Variants in PRDM7 observed in about 807,000 individuals in gnomAD.
PRDM7 encodes PR/SET domain 7, also known as histone-lysine N-methyltransferase PRDM7.
In PRDM7, 52 loss-of-function variants were observed where a neutral mutation model predicts 64.3. That is an observed-to-expected ratio of 0.81 (90% confidence interval 0.65 to 1.02). PRDM7 has a LOEUF of 1.02. Among genes scored for constraint, PRDM7 ranks in the 50% least tolerant of loss-of-function variants. The pLI is 0.00. For missense variants in PRDM7, 574 were observed against 597.1 expected (o/e 0.96, Z 0.40); for synonymous variants, 192 against 210.1 (o/e 0.91, Z 0.74).
At chr16:90,076,799 A>C (rs1190056921) in intron 1 of PRDM7, among the ~76,000 whole-genome samples, 1 of 151,510 alleles carries the variant, frequency 6.6e-6, no homozygotes, top group African/African-American at 2.4e-5. Flanking sequence ...GGTAAAGGAG[A>C]TTTGGGTCTC....
intron 10 of PRDM7, among the ~76,000 whole-genome samples, chr16:90,059,811 T>C (rs2037741153): frequency 6.6e-6 from 1 of 152,258 alleles, no homozygotes; most frequent in African/African-American, 2.4e-5. Flanking sequence ...CCGTCTGATA[T>C]TACACATATG....
Position 90,075,365 on chromosome 16 carries a change from G to A in PRDM7, c.179C>T (p.Ala60Val). ...CTTCCTGTTACCTACAGTAATCAGT[G>A]CATTATAGTTCATTTTCACATTCCT... ...RYRNVKMNYN[A>V]LITVGLRATR... is the part of the protein sequence containing the mutation. Residue 60 changes from alanine to valine, a missense_variant, in exon 3 of 11, where the codon GCA (alanine) becomes GTA (valine). Physicochemically the swap from Ala to Val is moderately conservative, Grantham distance 64. Coordinates refer to ENST00000449207, the MANE Select transcript of PRDM7 (RefSeq NM_001098173.2). The surrounding 1 kb of genome is among the most constrained non-coding windows in gnomAD (Gnocchi z 4.3). 6.2e-7 allele frequency: 1 copy of A among 1,614,210 alleles called. No individual in the cohort carries two copies. Among genetic ancestry groups the A allele is most frequent in the South Asian group, 1.1e-5 (1 of 91,080 alleles).
chr16:90,071,791 T>C (rs1597692245), intron 4 of PRDM7, among the ~76,000 whole-genome samples: 1 of 152,294 alleles, frequency 6.6e-6, no homozygotes, highest in Middle Eastern at 3.4e-3. Context: ...AGTGGGAATG[T>C]AAAATGGTGC....
chr16:90,068,654 A>G (rs2037914711), intron 4 of PRDM7, among the ~76,000 whole-genome samples: 2 of 150,848 alleles, frequency 1.3e-5, no homozygotes, highest in African/African-American at 2.5e-5. Flanking sequence ...AAAAAAAAAG[A>G]AGTAATACAT....
intron 4 of PRDM7, among the ~76,000 whole-genome samples, chr16:90,073,783 C>CT (rs201227469): frequency 6.6e-6 from 1 of 151,872 alleles, no homozygotes; most frequent in East Asian, 1.9e-4. Context: ...CAGGAGGTCA[C>CT]TTTTTTTTCC....
At position 90,063,896 on chromosome 16, in the gene PRDM7, A is replaced by G; in HGVS notation, c.352-128T>C. 1.4e-5 allele frequency: 17 copies of G among 1,184,894 alleles called. 1 individual carries two copies. In the South Asian group the frequency reaches 2.1e-4, roughly 14 times the overall value. 73.4% of individuals were successfully genotyped at this position (1,184,894 alleles called of 1,614,324 possible). A position where few individuals can be genotyped will look rare whatever the true frequency, so the allele number is the denominator to read the frequency against. On this transcript the variant is annotated intron_variant, in intron 5 of 10. Transcript: ENST00000449207. The stretch of plus-strand genomic sequence containing the variant: ...GAAATACCTAGAGTGTCTAAATACT[A>G]GAGGGAAAAGACAAGGTCTAAGTGG...
intron 4 of PRDM7, among the ~76,000 whole-genome samples, chr16:90,071,399 GA>G (rs752077997): frequency 4.6e-5 from 7 of 152,306 alleles, no homozygotes; most frequent in Middle Eastern, 3.4e-3. Context: ...AAAGTGCTGG[GA>G]TTACAGGCGT....
intron 4 of PRDM7, among the ~76,000 whole-genome samples, chr16:90,068,634 CAAA>C (rs778285091): frequency 2.1e-5 from 2 of 93,406 alleles, no homozygotes; most frequent in African/African-American, 5.2e-5. Flanking sequence ...GACTCCGTCT[CAAA>C]AAAAAAAAAA....
chr16:90,070,495 A>C (rs2037939957), intron 4 of PRDM7, among the ~76,000 whole-genome samples: 1 of 151,036 alleles, frequency 6.6e-6, no homozygotes. Flanking sequence ...GAGGCAGGAG[A>C]ATTGCTTGAA....
At position 90,060,352 on chromosome 16, in the gene PRDM7, A is replaced by T; in HGVS notation, c.1222T>A (p.Trp408Arg). 1 of 1,613,958 alleles carries T rather than the reference A, an allele frequency of 6.2e-7. No individual in the cohort carries two copies. Among genetic ancestry groups the T allele is most frequent in the Non-Finnish European group, 8.5e-7 (1 of 1,179,868 alleles). ...SGAASGRKSS[W>R]QGENQSQRSI... Reference sequence around the variant, plus strand: ...ATAGTGATGCCTACCTCTCCCTGCCATGAGCTCTTTCTTCCACTTGCTGCC... The same window carrying T: ...ATAGTGATGCCTACCTCTCCCTGCCTTGAGCTCTTTCTTCCACTTGCTGCC... The change falls in exon 10 of 11, where the codon TGG becomes AGG. Residue 408 changes from tryptophan (W) to arginine (R), a missense_variant. Physicochemically the swap from Trp to Arg is moderately radical, Grantham distance 101. Transcript: ENST00000449207.
intron 4 of PRDM7, among the ~76,000 whole-genome samples, chr16:90,069,500 G>T (rs2037926338): frequency 6.6e-6 from 1 of 151,266 alleles, no homozygotes; most frequent in Non-Finnish European, 1.5e-5. Context: ...AGCAAAAATA[G>T]ACAAGTAGGA....
At position 90,057,933 on chromosome 16, in the gene PRDM7, T is replaced by G; in HGVS notation, c.*356A>C. On this transcript the variant is annotated 3_prime_UTR_variant, in exon 11 of 11. Transcript: ENST00000449207. ...CGGCTAAAGCCCCGCTCACACTCTC[T>G]GCAGACATAAGGCTTCTCCCCTGTG... 6.3e-7 allele frequency: 1 copy of G among 1,587,300 alleles called. No individual in the cohort carries two copies.
intron 6 of PRDM7, among the ~76,000 whole-genome samples, chr16:90,063,225 T>A (rs1424444334): frequency 2.0e-5 from 3 of 152,126 alleles, no homozygotes; most frequent in Admixed American, 2.0e-4. Flanking sequence ...CTGAGCAGAT[T>A]ACTTGAGGCC....
At chr16:90,069,267 A>G (rs1193544167) in intron 4 of PRDM7, among the ~76,000 whole-genome samples, 1 of 151,390 alleles carries the variant, frequency 6.6e-6, no homozygotes, top group African/African-American at 2.5e-5. Flanking sequence ...AGGAAAGGAC[A>G]GTCTGCAAGA....
chr16:90,071,885 T>C (rs2037962360), intron 4 of PRDM7, among the ~76,000 whole-genome samples: 1 of 152,106 alleles, frequency 6.6e-6, no homozygotes, highest in African/African-American at 2.4e-5. Context: ...CACTTCTGGG[T>C]ATATAATATA....
intron 9 of PRDM7, among the ~76,000 whole-genome samples, chr16:90,060,897 C>T (rs2151305904): frequency 6.6e-6 from 1 of 152,344 alleles, no homozygotes; most frequent in Middle Eastern, 3.4e-3. Context: ...ATTCTACACT[C>T]AGCTCAAGTC....
chr16:90,058,487 A>T lies in PRDM7; in HGVS notation c.1281T>A (p.Phe427Leu). 1 of 1,614,154 alleles carries T rather than the reference A, an allele frequency of 6.2e-7. No homozygotes were observed. The highest frequency in any genetic ancestry group is 8.5e-7 in the Non-Finnish European group (1 of 1,180,034). ...SIHVPHAVWP[F>L]QVKNFSVNMW... Reference sequence around the variant, plus strand: ...TGTTGACTGAGAAATTTTTGACTTGAAAAGGCCAGACAGCATGAGGGACAT... The same window carrying T: ...TGTTGACTGAGAAATTTTTGACTTGTAAAGGCCAGACAGCATGAGGGACAT... Residue 427 changes from phenylalanine (F) to leucine (L), a missense_variant, in exon 11 of 11, where the codon TTT becomes TTA. Phe to Leu is a conservative substitution (Grantham distance 22, BLOSUM62 0). Coordinates refer to ENST00000449207, the MANE Select transcript of PRDM7 (RefSeq NM_001098173.2).
chr16:90,077,021 A>G (rs894359334), intron 1 of PRDM7, among the ~76,000 whole-genome samples: 23 of 151,920 alleles, frequency 1.5e-4, no homozygotes, highest in Admixed American at 1.4e-3. Flanking sequence ...TCTAAGCATT[A>G]GGAGATTCGA....
chr16:90,057,739 GA>G lies in PRDM7; in HGVS notation c.*549del, dbSNP rs2037705829. 7.9e-7 allele frequency: 1 copy of G among 1,266,556 alleles called. No homozygotes were observed. Among genetic ancestry groups the G allele is most frequent in the Non-Finnish European group, 1.0e-6 (1 of 977,364 alleles). The allele number at this position is 1,266,556 out of a possible 1,614,324, so 78.5% of individuals were successfully genotyped here. A position where few individuals can be genotyped will look rare whatever the true frequency, so the allele number is the denominator to read the frequency against. On this transcript the variant is annotated 3_prime_UTR_variant, in exon 11 of 11. Transcript: ENST00000449207. ...TCTCGGGGAATGTAAGGGGTTAGCAGACTTTCGCTGAAGCCACCTCAGAGCT... is the reference window on the plus strand; with the variant it reads ...TCTCGGGGAATGTAAGGGGTTAGCAGCTTTCGCTGAAGCCACCTCAGAGCT...
Sources: allele counts gnomAD v4.1 joint callset (sites outside exome capture counted in the v4.1 genomes callset), GRCh38; gene constraint gnomAD v4.1.1; non-coding constraint Gnocchi (gnomAD v3.1); transcripts MANE v1.5; gene names NCBI Gene and HGNC (gene_info 2026-07-23, HGNC 2026-07-21).